The following UROS variants were observed in gnomAD, a reference collection of about 807,000 sequenced individuals.
UROS encodes the protein uroporphyrinogen III synthase, also known as uroporphyrinogen-III synthase.
UROS carries 18 observed loss-of-function variants against 33.0 expected under a neutral mutation model. The observed-to-expected ratio is 0.55, with a 90% CI of 0.38 to 0.81. The LOEUF (loss-of-function observed/expected upper bound fraction) is 0.81, where lower values mean the gene tolerates loss of function less well. Among genes scored for constraint, UROS ranks in the 30% least tolerant of loss-of-function variants. The pLI is 0.00. For missense variants in UROS, 293 were observed against 314.9 expected (o/e 0.93, Z 0.53); for synonymous variants, 114 against 121.1 (o/e 0.94, Z 0.38).
At chr10:125,821,691 T>C (rs538998353) in intron 1 of UROS, among the ~76,000 whole-genome samples, 1 of 152,364 alleles carries the variant, frequency 6.6e-6, no homozygotes, top group Non-Finnish European at 1.5e-5. Context: ...GGTATCTCAG[T>C]GCAACTCTGT....
At chr10:125,809,765 A>G (rs1852636507) in intron 5 of UROS, among the ~76,000 whole-genome samples, 1 of 152,212 alleles carries the variant, frequency 6.6e-6, no homozygotes, top group African/African-American at 2.4e-5. Context: ...GGGTTTCACC[A>G]TGTTGCCCAG....
chr10:125,787,112 C>T (rs1046876350), downstream of UROS, among the ~76,000 whole-genome samples: 2 of 152,242 alleles, frequency 1.3e-5, no homozygotes, highest in African/African-American at 4.8e-5. Context: ...TGTTAATAGC[C>T]TCACATCTCT....
intron 9 of UROS, among the ~76,000 whole-genome samples, chr10:125,790,765 G>A (rs1259359512): frequency 3.2e-4 from 41 of 126,980 alleles, no homozygotes; most frequent in Non-Finnish European, 4.6e-4. Flanking sequence ...CCTGGGCAAC[G>A]AGAGCAAAAC....
At chr10:125,816,094 A>G in intron 3 of UROS, 83 bp downstream of exon 3, 1 of 1,277,198 alleles carries the variant, frequency 7.8e-7, no homozygotes, top group Non-Finnish European at 1.1e-6. Flanking sequence ...AAATAAGAAG[A>G]CAGTAAAATA....
chr10:125,813,383 C>T (rs951336506), intron 4 of UROS, among the ~76,000 whole-genome samples: 1 of 152,162 alleles, frequency 6.6e-6, no homozygotes, highest in Non-Finnish European at 1.5e-5. Context: ...TTATAAAGCA[C>T]CAGAAAGAGT....
chr10:125,807,525 T>G (rs1852439348), intron 5 of UROS, 38 bp from the exon 6 acceptor site: 1 of 1,521,752 alleles, frequency 6.6e-7, no homozygotes, highest in Non-Finnish European at 9.1e-7. Flanking sequence ...TTAACACGGT[T>G]ATTGAAGTCC....
At chr10:125,803,994 G>A (rs755598305) in intron 6 of UROS, among the ~76,000 whole-genome samples, 4 of 152,224 alleles carry the variant, frequency 2.6e-5, no homozygotes, top group African/African-American at 9.7e-5. Flanking sequence ...GAAATATTTC[G>A]TTTTCCTCCC....
downstream of UROS, among the ~76,000 whole-genome samples, chr10:125,786,990 C>T (rs1850650774): frequency 6.6e-6 from 1 of 152,246 alleles, no homozygotes; most frequent in African/African-American, 2.4e-5. Context: ...ACTGCGCCTG[C>T]TGCTTTGCTC....
At chr10:125,805,186 G>T (rs1852216919) in intron 6 of UROS, among the ~76,000 whole-genome samples, 1 of 152,224 alleles carries the variant, frequency 6.6e-6, no homozygotes, top group Non-Finnish European at 1.5e-5. Flanking sequence ...CATCTGAGTG[G>T]CCAGAAAAGG....
At chr10:125,797,623 G>C (rs997053782) in intron 7 of UROS, among the ~76,000 whole-genome samples, 1 of 152,208 alleles carries the variant, frequency 6.6e-6, no homozygotes, top group African/African-American at 2.4e-5. Context: ...GACAGTCTTG[G>C]GAGCCACGGC....
chr10:125,808,225 C>T lies in UROS; in HGVS notation c.320-738G>A, dbSNP rs550952134. Among the ~76,000 whole-genome samples, 8 of 152,346 alleles carry T rather than the reference C, an allele frequency of 5.3e-5. No homozygotes were observed. In the East Asian group the frequency reaches 5.8e-4, roughly 11 times the overall value. On this transcript the variant is annotated intron_variant, in intron 5 of 9. Transcript: ENST00000368797. ...GCCTAAGGGACTGGCTCAGTCAACA[C>T]TGCTACCTGCTCACAGGAATGTGGA... is the stretch of plus-strand genomic sequence containing the variant.
intron 6 of UROS, among the ~76,000 whole-genome samples, chr10:125,799,560 T>A (rs1216447593): frequency 6.6e-6 from 1 of 152,186 alleles, no homozygotes; most frequent in African/African-American, 2.4e-5. Flanking sequence ...GCAGCACCTC[T>A]TGTGAGGGTC....
chr10:125,789,470 G>T, intron 9 of UROS: 2 of 741,746 alleles, frequency 2.7e-6, no homozygotes, highest in South Asian at 3.8e-5. Flanking sequence ...TTAAATCCCA[G>T]CTCCACAGGA....
intron 6 of UROS, among the ~76,000 whole-genome samples, chr10:125,801,819 G>A (rs1293726079): frequency 2.6e-5 from 4 of 152,192 alleles, no homozygotes; most frequent in African/African-American, 4.8e-5. Context: ...ACTCAGAAGT[G>A]ACATTGATCT....
intron 9 of UROS, among the ~76,000 whole-genome samples, chr10:125,790,735 A>ATCGTGCCAGC (rs1324377330): frequency 1.1e-4 from 17 of 149,196 alleles, no homozygotes; most frequent in Non-Finnish European, 2.5e-4. Flanking sequence ...GTGAGCTGAG[A>ATCGTGCCAGC]TCGTGCCACT....
chr10:125,823,136 G>T lies in UROS; in HGVS notation c.-134C>A, dbSNP rs985442867. On this transcript the variant is annotated 5_prime_UTR_variant, in exon 1 of 10. Coordinates refer to ENST00000368797, the MANE Select transcript of UROS (RefSeq NM_000375.3). ...GGCTGCAGGAGCAATGACAACAGGG[G>T]CGGAAGCCCCCTCCCCACGCAGCCC... 3.1e-5 allele frequency: 5 copies of T among 162,814 alleles called. No homozygotes were observed. The highest frequency in any genetic ancestry group is 6.7e-5 in the Non-Finnish European group (5 of 75,030). The allele number at this position is 162,814 out of a possible 1,614,324, so 10.1% of individuals were successfully genotyped here.
At chr10:125,821,283 T>A (rs1234502515) in intron 1 of UROS, among the ~76,000 whole-genome samples, 1 of 152,246 alleles carries the variant, frequency 6.6e-6, no homozygotes, top group Non-Finnish European at 1.5e-5. Flanking sequence ...GGTCTATACA[T>A]GCAATGGAGT....
chr10:125,798,266 T>C, intron 6 of UROS, 121 bp from the exon 7 acceptor site: 2 of 960,054 alleles, frequency 2.1e-6, no homozygotes, highest in Non-Finnish European at 1.6e-6. Flanking sequence ...GCTCTGCTTC[T>C]AGGACTCAGT....
At chr10:125,819,024 G>A (rs531194727) in intron 1 of UROS, among the ~76,000 whole-genome samples, 2 of 152,074 alleles carry the variant, frequency 1.3e-5, no homozygotes, top group East Asian at 1.9e-4. Flanking sequence ...CTGCTCTGTC[G>A]CCCAGGCTGG....
Sources: gnomAD v4.1 joint callset for allele counts (sites outside exome capture counted in the v4.1 genomes callset) on GRCh38, gnomAD v4.1.1 for gene constraint, MANE v1.5 for transcripts, NCBI Gene and HGNC (gene_info 2026-07-23, HGNC 2026-07-21) for gene names.